COL5A1: variants seen among roughly 807,000 people sequenced by gnomAD.
COL5A1 encodes the protein collagen alpha-1(V) chain.
In COL5A1, 16 loss-of-function variants were observed where a neutral mutation model predicts 263.7. That is an observed-to-expected ratio of 0.06 (90% CI 0.04 to 0.09). The LOEUF is 0.09. COL5A1 is among the 10% of genes least tolerant of loss of function. The pLI, the probability that COL5A1 is intolerant of heterozygous loss-of-function variation, is 1.00. For synonymous variants in COL5A1, 1,012 were observed against 1,004.5 expected (o/e 1.01, Z -0.14); for missense variants, 2,036 against 2,540.5 (o/e 0.80, Z 4.27).
Position 134,758,418 on chromosome 9 carries a change from A to T in COL5A1, c.1935+122A>T. 1.0e-6 allele frequency: 1 copy of T among 979,672 alleles called. No individual in the cohort carries two copies. The highest frequency in any genetic ancestry group is 1.3e-5 in the South Asian group (1 of 74,374). 60.7% of individuals were successfully genotyped at this position (979,672 alleles called of 1,614,324 possible). A position where few individuals can be genotyped will look rare whatever the true frequency, so the allele number is the denominator to read the frequency against. On this transcript the variant is annotated intron_variant, in intron 18 of 65. Coordinates refer to ENST00000371817, the MANE Select transcript of COL5A1 (RefSeq NM_000093.5). This position sits in a 1 kb window ranked among gnomAD's most constrained non-coding sequence, Gnocchi z 4.1. ...GGGGTCAGGTCTCCGCCATTCCAAC[A>T]GTCAGTATACAAACCTCACGGGAGT...
chr9:134,647,485 G>A lies in COL5A1; in HGVS notation c.109+5189G>A, dbSNP rs2132465293. 6.6e-6 allele frequency among the ~76,000 whole-genome samples: 1 copy of A among 152,346 alleles called. No individual in the cohort carries two copies. The highest frequency in any genetic ancestry group is 1.5e-5 in the Non-Finnish European group (1 of 68,036). ...TGTGGGTATACATGTGTGTTTGAGT[G>A]TGCACGCATGCGCATCCTTGCACAT... is the stretch of plus-strand genomic sequence containing the variant. On this transcript the variant is annotated intron_variant, in intron 1 of 65. Transcript: ENST00000371817. The surrounding 1 kb of genome is among the most constrained non-coding windows in gnomAD (Gnocchi z 5.0).
At chr9:134,655,351 C>T (rs1422729071) in intron 1 of COL5A1, among the ~76,000 whole-genome samples, 1 of 151,938 alleles carries the variant, frequency 6.6e-6, no homozygotes, top group African/African-American at 2.4e-5. Context: ...AAGCACAGAG[C>T]CCCGGGAGGC....
intron 9 of COL5A1, among the ~76,000 whole-genome samples, chr9:134,734,850 G>A (rs1835040950): frequency 6.6e-6 from 1 of 152,186 alleles, no homozygotes; most frequent in African/African-American, 2.4e-5. Context: ...TACCAGATGG[G>A]TGGACCCTCC....
At chr9:134,826,486 C>T (rs978822145) in intron 63 of COL5A1, among the ~76,000 whole-genome samples, 1 of 152,074 alleles carries the variant, frequency 6.6e-6, no homozygotes, top group African/African-American at 2.4e-5. Context: ...AGCGCTGTAG[C>T]AGGAGTTTGT....
chr9:134,773,709 C>A (rs553251189), intron 26 of COL5A1, among the ~76,000 whole-genome samples: 1 of 152,108 alleles, frequency 6.6e-6, no homozygotes, highest in Non-Finnish European at 1.5e-5. Context: ...CCAGGACTGA[C>A]CCTCCAGGGC....
rs186802732 is a variant in COL5A1, at chr9:134,678,145, G to A, written c.110-12767G>A. Among the ~76,000 whole-genome samples the A allele has an allele frequency of 6.6e-6, 1 of 152,346 alleles. No homozygotes were observed. The highest frequency in any genetic ancestry group is 1.9e-4 in the East Asian group (1 of 5,182). On this transcript the variant is annotated intron_variant, in intron 1 of 65. Coordinates refer to ENST00000371817, the MANE Select transcript of COL5A1 (RefSeq NM_000093.5). The surrounding 1 kb of genome is among the most constrained non-coding windows in gnomAD (Gnocchi z 5.5). The stretch of plus-strand genomic sequence containing the variant: ...TTCTCCCAGCTTGCAGCCCCATGGT[G>A]CAGAGGAAAGATTTTGGACCCAAAT...
Position 134,780,515 on chromosome 9 carries a change from C to A in COL5A1, c.2430+369C>A, listed in dbSNP as rs143481618. 4.6e-3 allele frequency among the ~76,000 whole-genome samples: 699 copies of A among 152,010 alleles called. 3 individuals carry two copies. The highest frequency in any genetic ancestry group is 0.016 in the African/African-American group (650 of 41,444). On this transcript the variant is annotated intron_variant, in intron 28 of 65. Transcript: ENST00000371817. The stretch of plus-strand genomic sequence containing the variant: ...TCCCAGGTGGGCCGCCTTGCATGGC[C>A]GCTGGCACGAGGGTCCACTTAGTTG...
Position 134,642,032 on chromosome 9 carries a change from C to A in COL5A1, c.-156C>A. On this transcript the variant is annotated 5_prime_UTR_variant, in exon 1 of 66. Transcript: ENST00000371817. The surrounding 1 kb of genome is among the most constrained non-coding windows in gnomAD (Gnocchi z 4.5). ...CCAGCCGCCCCTTCCAGAACAGCCG[C>A]CGCCACAAAGAAGAACGGGGGGTGC... 1 of 642,812 alleles carries A rather than the reference C, an allele frequency of 1.6e-6. No individual in the cohort carries two copies. The highest frequency in any genetic ancestry group is 2.2e-6 in the Non-Finnish European group (1 of 450,444). The allele number at this position is 642,812 out of a possible 1,614,324, so 39.8% of individuals were successfully genotyped here.
intron 48 of COL5A1, among the ~76,000 whole-genome samples, chr9:134,813,112 G>T (rs149765654): frequency 2.0e-5 from 3 of 151,862 alleles, no homozygotes; most frequent in Non-Finnish European, 4.4e-5. Context: ...CATTTCAGCC[G>T]AATTATTTTC....
chr9:134,819,709 A>G (rs1270421373), intron 57 of COL5A1, among the ~76,000 whole-genome samples: 1 of 152,224 alleles, frequency 6.6e-6, no homozygotes, highest in African/African-American at 2.4e-5. Flanking sequence ...TGATTGTAAT[A>G]TCTATAATAC....
chr9:134,767,118 G>A lies in COL5A1; in HGVS notation c.2187+65G>A, dbSNP rs1225427652. ...CGTGGGAGGCACACGTCTCCAGTCC[G>A]GAGCCCTGGGAGGAAGCGGGGAGCT... On this transcript the variant is annotated intron_variant, in intron 23 of 65. Coordinates refer to ENST00000371817, the MANE Select transcript of COL5A1 (RefSeq NM_000093.5). 50 of 1,560,804 alleles carry A rather than the reference G, an allele frequency of 3.2e-5. No homozygotes were observed. The East Asian group carries it at 3.6e-4, about 11-fold the overall frequency.
rs58905574 is a variant in COL5A1, at chr9:134,813,015, C to T, written c.3852+303C>T. On this transcript the variant is annotated intron_variant, in intron 48 of 65. Coordinates refer to ENST00000371817, the MANE Select transcript of COL5A1 (RefSeq NM_000093.5). ...GCAGAATTTCCAGACGATGCCCCAC[C>T]AGCAAAGCCCCTGCCTCCTCCAAGA... 4.4e-3 allele frequency among the ~76,000 whole-genome samples: 671 copies of T among 152,246 alleles called. 5 individuals are homozygous for T. The highest frequency in any genetic ancestry group is 0.015 in the African/African-American group (635 of 41,538).
chr9:134,760,618 C>A (rs1836356188), intron 18 of COL5A1, among the ~76,000 whole-genome samples: 1 of 133,398 alleles, frequency 7.5e-6, no homozygotes, highest in African/African-American at 3.1e-5. Context: ...TGCACACACA[C>A]ACACCCACAC....
intron 4 of COL5A1, chr9:134,708,697 G>C (rs755388603): frequency 3.9e-6 from 2 of 516,898 alleles, no homozygotes; most frequent in African/African-American, 3.9e-5. Context: ...ACCTCCTCTT[G>C]CCCCTGGAAG....
In COL5A1 at chr9:134,732,078, G is replaced by A. The variant is rs753549769; in HGVS notation, c.1340G>A (p.Gly447Glu). ...NQDTIYEGIGGPRGEKGQKGE... is the reference protein window; with the variant it reads ...NQDTIYEGIGEPRGEKGQKGE... ...GCCTTTTATCACCCCCAGATTGGAG[G>A]ACCTCGGGGCGAGAAAGGCCAAAAG... is the stretch of plus-strand genomic sequence containing the variant. The change falls in exon 9 of 66, where the codon GGA (glycine) becomes GAA (glutamate). Residue 447 changes from glycine (G) to glutamate (E), a missense_variant. Around this residue, in one of 3 missense-constraint regions of COL5A1, gnomAD observed 600 missense variants for 634.5 expected, o/e 0.95. Transcript: ENST00000371817. 3 of 1,614,142 alleles carry A rather than the reference G, an allele frequency of 1.9e-6. No homozygotes were observed. Among genetic ancestry groups the A allele is most frequent in the Non-Finnish European group, 2.5e-6 (3 of 1,179,974 alleles).
At position 134,691,058 on chromosome 9, in the gene COL5A1, C is replaced by A; in HGVS notation, c.256C>A (p.Pro86Thr). Reference sequence around the variant, plus strand: ...CACCAAAGACGCGCAGCTCAGCGCACCCACCAAGCAGCTGTACCCTGGTAA... The same window carrying A: ...CACCAAAGACGCGCAGCTCAGCGCAACCACCAAGCAGCTGTACCCTGGTAA... ...RVTKDAQLSA[P>T]TKQLYPASAF... Residue 86 changes from proline to threonine, a missense_variant, in exon 2 of 66, where the codon CCC becomes ACC. By Grantham distance (38) the Pro-to-Thr change is conservative (BLOSUM62 -1). Transcript: ENST00000371817. 6.2e-7 allele frequency: 1 copy of A among 1,613,436 alleles called. No homozygotes were observed. The highest frequency in any genetic ancestry group is 8.5e-7 in the Non-Finnish European group (1 of 1,180,050).
At chr9:134,830,298 C>A in intron 64 of COL5A1, 1 of 963,124 alleles carries the variant, frequency 1.0e-6, no homozygotes, top group Non-Finnish European at 1.6e-6. Context: ...AACCGCTCCA[C>A]ATCACGTGAC....
chr9:134,798,604 C>T (rs1478382184), intron 37 of COL5A1, 143 bp downstream of exon 37: 4 of 221,298 alleles, frequency 1.8e-5, no homozygotes, highest in Admixed American at 6.5e-5. Flanking sequence ...TCCCAAGGGC[C>T]GGGCCGGCTT....
rs1169591574 is a variant in COL5A1, at chr9:134,680,153, A to T, written c.110-10759A>T. 4.6e-5 allele frequency among the ~76,000 whole-genome samples: 7 copies of T among 152,298 alleles called. No homozygotes were observed. Among genetic ancestry groups the T allele is most frequent in the Middle Eastern group, 3.4e-3 (1 of 294 alleles). ...TGGACGGGCCCTTCATTCTTCAGCA[A>T]GGAATGATGAGCTGGGAGCCATGAA... is the stretch of plus-strand genomic sequence containing the variant. On this transcript the variant is annotated intron_variant, in intron 1 of 65. Coordinates refer to ENST00000371817, the MANE Select transcript of COL5A1 (RefSeq NM_000093.5). This position sits in a 1 kb window ranked among gnomAD's most constrained non-coding sequence, Gnocchi z 5.9.
Sources: gnomAD v4.1 joint callset for allele counts (sites outside exome capture counted in the v4.1 genomes callset) on GRCh38, gnomAD v4.1.1 for gene constraint, gnomAD v4.1.1 regional missense constraint, Gnocchi (gnomAD v3.1) non-coding constraint, MANE v1.5 for transcripts, NCBI Gene and HGNC (gene_info 2026-07-23, HGNC 2026-07-21) for gene names.